PCDHGB1: variants seen among roughly 807,000 people sequenced by gnomAD.
PCDHGB1 encodes the protein protocadherin gamma-B1.
A neutral mutation model predicts 56.6 loss-of-function variants in PCDHGB1; 34 were observed. That is an observed-to-expected ratio of 0.60 (90% CI 0.46 to 0.80). PCDHGB1 has a LOEUF of 0.80. Ranked by LOEUF, PCDHGB1 falls within the 30% of genes least tolerant of loss-of-function variation. The probability of loss-of-function intolerance (pLI) is 0.00; values close to 1 mark genes in which losing one functional copy is unlikely to be tolerated. For missense variants in PCDHGB1, 1,278 were observed against 1,204.6 expected (o/e 1.06, Z -0.90); for synonymous variants, 561 against 505.9 (o/e 1.11, Z -1.46).
At chr5:141,360,760 C>T (rs1420224824) in intron 1 of PCDHGB1, 2 of 1,613,820 alleles carry the variant, frequency 1.2e-6, no homozygotes, top group East Asian at 4.5e-5. Context: ...CAGTTTACAT[C>T]AATTGGTCCT....
chr5:141,463,424 CT>C (rs2099058999), intron 1 of PCDHGB1, among the ~76,000 whole-genome samples: 1 of 148,698 alleles, frequency 6.7e-6, no homozygotes, highest in Non-Finnish European at 1.5e-5. Flanking sequence ...TTTGCGGATC[CT>C]CATTTCCTTC....
At chr5:141,390,318 C>T in intron 1 of PCDHGB1, 1 of 1,609,020 alleles carries the variant, frequency 6.2e-7, no homozygotes, top group Non-Finnish European at 8.5e-7. Context: ...TGCTCATTGC[C>T]TACCCATTTC....
chr5:141,502,331 G>C lies in PCDHGB1; in HGVS notation c.2469-3062G>C, dbSNP rs555959890. ...TCCTTTAATCTGGAGCCAGCTCCCA[G>C]TCTTTTTATTTTTTTAATGACATGG... On this transcript the variant is annotated intron_variant, in intron 2 of 3. Transcript: ENST00000523390. Among the ~76,000 whole-genome samples, 42 of 152,102 alleles carry C rather than the reference G, an allele frequency of 2.8e-4. No individual in the cohort carries two copies. The South Asian group carries it at 6.2e-3, about 23-fold the overall frequency.
intron 1 of PCDHGB1, among the ~76,000 whole-genome samples, chr5:141,436,839 A>G (rs1247924864): frequency 6.6e-6 from 1 of 152,260 alleles, no homozygotes; most frequent in African/African-American, 2.4e-5. Flanking sequence ...GTGCCTAGGC[A>G]CATTCTTGAT....
chr5:141,389,612 G>A, intron 1 of PCDHGB1: 1 of 1,613,040 alleles, frequency 6.2e-7, no homozygotes, highest in Non-Finnish European at 8.5e-7. Flanking sequence ...TCGATATGGT[G>A]CCGCACGCTG....
At chr5:141,449,500 A>G (rs1034917703) in intron 1 of PCDHGB1, among the ~76,000 whole-genome samples, 6 of 151,300 alleles carry the variant, frequency 4.0e-5, no homozygotes, top group African/African-American at 1.5e-4. Flanking sequence ...GAGGCATGAG[A>G]AATGCTTGAA....
chr5:141,485,949 T>C lies in PCDHGB1; in HGVS notation c.2410-8858T>C. Reference sequence around the variant, plus strand: ...GTGTTGGAGAGCGCACCAGCGGGCATGGTGCTCATCCAGCTCAATGCCTCA... The same window carrying C: ...GTGTTGGAGAGCGCACCAGCGGGCACGGTGCTCATCCAGCTCAATGCCTCA... On this transcript the variant is annotated intron_variant, in intron 1 of 3. Transcript: ENST00000523390. This position sits in a 1 kb window ranked among gnomAD's most constrained non-coding sequence, Gnocchi z 5.7. 2 of 1,614,178 alleles carry C rather than the reference T, an allele frequency of 1.2e-6. No individual in the cohort carries two copies.
intron 1 of PCDHGB1, chr5:141,420,339 T>C: frequency 7.2e-7 from 1 of 1,395,458 alleles, no homozygotes; most frequent in Non-Finnish European, 9.6e-7. Context: ...TCCAATATAG[T>C]GGTATTATTT....
At chr5:141,492,265 G>C (rs1363279754) in intron 1 of PCDHGB1, among the ~76,000 whole-genome samples, 1 of 152,180 alleles carries the variant, frequency 6.6e-6, no homozygotes, top group Non-Finnish European at 1.5e-5. Flanking sequence ...CAAGTTGCAC[G>C]GGCTCGCCAC....
chr5:141,474,819 G>A (rs1180279468), intron 1 of PCDHGB1, among the ~76,000 whole-genome samples: 1 of 152,190 alleles, frequency 6.6e-6, no homozygotes, highest in Non-Finnish European at 1.5e-5. Flanking sequence ...CATTAATTGA[G>A]GCTTACTCTG....
At chr5:141,482,809 T>C (rs1295469639) in intron 1 of PCDHGB1, among the ~76,000 whole-genome samples, 1 of 152,170 alleles carries the variant, frequency 6.6e-6, no homozygotes, top group Non-Finnish European at 1.5e-5. Flanking sequence ...CGGTGGCTCA[T>C]GCCTGTAATC....
chr5:141,481,434 A>C (rs1374254063), intron 1 of PCDHGB1, among the ~76,000 whole-genome samples: 1 of 152,256 alleles, frequency 6.6e-6, no homozygotes, highest in East Asian at 1.9e-4. Context: ...TGATTGTATC[A>C]GTTTAGTACA....
chr5:141,454,917 C>T (rs1185153715), intron 1 of PCDHGB1, among the ~76,000 whole-genome samples: 1 of 149,330 alleles, frequency 6.7e-6, no homozygotes, highest in Non-Finnish European at 1.5e-5. Flanking sequence ...ACGCCATTCT[C>T]CTGCCTCAGC....
chr5:141,405,418 T>C (rs2094662415), intron 1 of PCDHGB1: 1 of 1,508,444 alleles, frequency 6.6e-7, no homozygotes, highest in South Asian at 1.2e-5. Context: ...TTTTTTTGTT[T>C]TTTGTTTTGT....
Position 141,489,087 on chromosome 5 carries a change from TGA to T in PCDHGB1, c.2410-5719_2410-5718del. The T allele has an allele frequency of 4.6e-6, 1 of 216,098 alleles. No individual in the cohort carries two copies. 13.4% of individuals were successfully genotyped at this position (216,098 alleles called of 1,614,324 possible). ...CCCCCTGCCCACCCCCGCCACTCGGTGACTAAGAACTGCTGCAAGCAGGCAAA... is the reference window on the plus strand; with the variant it reads ...CCCCCTGCCCACCCCCGCCACTCGGTCTAAGAACTGCTGCAAGCAGGCAAA... On this transcript the variant is annotated intron_variant, in intron 1 of 3. Transcript: ENST00000523390. The surrounding 1 kb of genome is among the most constrained non-coding windows in gnomAD (Gnocchi z 4.5).
chr5:141,438,635 T>C (rs1325567714), intron 1 of PCDHGB1, among the ~76,000 whole-genome samples: 9 of 33,420 alleles, frequency 2.7e-4, no homozygotes, highest in East Asian at 1.8e-3. Flanking sequence ...TATATATATA[T>C]ACACACACAC....
Position 141,511,628 on chromosome 5 carries a change from G to C in PCDHGB1, c.*455G>C, listed in dbSNP as rs4912608. 0.2 allele frequency: 46,780 copies of C among 231,598 alleles called. 5,185 individuals are homozygous for C. The highest frequency in any genetic ancestry group is 0.32 in the Admixed American group (6,204 of 19,590). The allele number at this position is 231,598 out of a possible 1,614,324, so 14.3% of individuals were successfully genotyped here. A position where few individuals can be genotyped will look rare whatever the true frequency, so the allele number is the denominator to read the frequency against. On this transcript the variant is annotated 3_prime_UTR_variant, in exon 4 of 4. Transcript: ENST00000523390. ...CAAGCCTCCTAGTTCTGAAAAGTTG[G>C]AAGGGCATCATGACCTCTTGGCCTC...
chr5:141,420,030 G>A (rs1269646706), intron 1 of PCDHGB1: 1 of 1,613,940 alleles, frequency 6.2e-7, no homozygotes, highest in Non-Finnish European at 8.5e-7. Flanking sequence ...CCTACTGCAG[G>A]AGACTGCTTT....
intron 1 of PCDHGB1, chr5:141,400,304 G>A (rs760976345): frequency 4.3e-6 from 7 of 1,613,930 alleles, no homozygotes; most frequent in African/African-American, 1.3e-5. Context: ...TTCCAACCTG[G>A]TCTCTGTGTC....
Sources: allele counts gnomAD v4.1 joint callset (sites outside exome capture counted in the v4.1 genomes callset), GRCh38; gene constraint gnomAD v4.1.1; non-coding constraint Gnocchi (gnomAD v3.1); transcripts MANE v1.5; gene names NCBI Gene and HGNC (gene_info 2026-07-23, HGNC 2026-07-21).